PURG: variants seen among roughly 807,000 people sequenced by gnomAD.
PURG encodes the protein purine rich element binding protein G, also known as purine-rich element-binding protein gamma.
PURG carries 3 observed loss-of-function variants against 24.3 expected under a neutral mutation model. The ratio of observed to expected loss-of-function variants is 0.12; its 90% CI spans 0.06 to 0.32. PURG has a LOEUF of 0.32. PURG is among the 10% of genes least tolerant of loss of function. The probability of loss-of-function intolerance (pLI) is 1.00; values close to 1 mark genes in which losing one functional copy is unlikely to be tolerated. For synonymous variants in PURG, 180 were observed against 173.1 expected (o/e 1.04, Z -0.31); for missense variants, 371 against 439.1 (o/e 0.84, Z 1.39).
intron 1 of PURG, among the ~76,000 whole-genome samples, chr8:31,021,971 CT>C (rs1011753786): frequency 2.1e-3 from 283 of 136,888 alleles, no homozygotes; most frequent in East Asian, 2.3e-3. Context: ...TCATTTCTTT[CT>C]TTTTTTTTTT....
At position 31,032,853 on chromosome 8, in the gene PURG, C is replaced by A. The variant is rs1811272415; in HGVS notation, c.-6-65G>T. On this transcript the variant is annotated intron_variant, in intron 1 of 1. Transcript: ENST00000523392. The surrounding 1 kb of genome is among the most constrained non-coding windows in gnomAD (Gnocchi z 5.9). ...GGGGTGTTGAGAACAATCGCAGACG[C>A]CCCTCGGCCTGACCGCCCCGCCGCC... The A allele has an allele frequency of 3.4e-6, 4 of 1,185,278 alleles. No individual in the cohort carries two copies. Among genetic ancestry groups the A allele is most frequent in the Non-Finnish European group, 4.2e-6 (4 of 945,360 alleles). The allele number at this position is 1,185,278 out of a possible 1,614,324, so 73.4% of individuals were successfully genotyped here. A position where few individuals can be genotyped will look rare whatever the true frequency, so the allele number is the denominator to read the frequency against.
chr8:31,031,978 C>G lies in PURG; in HGVS notation c.805G>C (p.Val269Leu). ...LELPEGTSFR[V>L]DNKRFYFDVG... ...TCAAAGTAGAACCTTTTATTGTCCA[C>G]TCTGAAAGAAGTCCCCTCTGGGAGT... The change falls in exon 2 of 2, where the codon GTG (valine) becomes CTG (leucine). Residue 269 changes from valine (V) to leucine (L), a missense_variant. Physicochemically the swap from Val to Leu is conservative, Grantham distance 32 (BLOSUM62 1). Around this residue, in one of 5 missense-constraint regions of PURG, gnomAD observed 103 missense variants for 127.7 expected, o/e 0.81. Coordinates refer to ENST00000523392, the MANE Select transcript of PURG (RefSeq NM_001323311.2). The G allele has an allele frequency of 6.2e-7, 1 of 1,614,186 alleles. No individual in the cohort carries two copies. The highest frequency in any genetic ancestry group is 8.5e-7 in the Non-Finnish European group (1 of 1,180,042).
In PURG at chr8:31,032,177, C is replaced by A; in HGVS notation, c.606G>T (p.Met202Ile). The A allele has an allele frequency of 6.2e-7, 1 of 1,614,244 alleles. No individual in the cohort carries two copies. Among genetic ancestry groups the A allele is most frequent in the Non-Finnish European group, 8.5e-7 (1 of 1,180,034 alleles). Residue 202 changes from methionine to isoleucine, a missense_variant, in exon 2 of 2, where the codon ATG becomes ATT. Met to Ile is a conservative substitution (Grantham distance 10). Transcript: ENST00000523392. The surrounding 1 kb of genome is among the most constrained non-coding windows in gnomAD (Gnocchi z 5.9). ...AACCTATCATGCCAGTCCCCCGCAT[C>A]ATGGTTTGTCTAATCCGTAGGAAGC... The part of the protein sequence containing the change: ...RGRFLRIRQT[M>I]MRGTGMIGYF...
chr8:31,022,667 A>C (rs1811019128), intron 1 of PURG, among the ~76,000 whole-genome samples: 1 of 152,270 alleles, frequency 6.6e-6, no homozygotes. Context: ...AAAGAGGATT[A>C]TAATGAATGG....
intron 1 of PURG, among the ~76,000 whole-genome samples, chr8:31,007,158 T>G (rs1349315823): frequency 6.6e-6 from 1 of 152,230 alleles, no homozygotes; most frequent in Non-Finnish European, 1.5e-5. Context: ...GACAGTCATG[T>G]GCTGTTTCAT....
At chr8:31,026,053 CATAAAG>C (rs757681354), downstream of PURG, among the ~76,000 whole-genome samples, 1 of 151,832 alleles carries the variant, frequency 6.6e-6, no homozygotes, top group Non-Finnish European at 1.5e-5. Flanking sequence ...ATACCTTTCT[CATAAAG>C]ATAAAGGCTT....
chr8:31,022,798 C>A (rs1006300017), intron 1 of PURG, among the ~76,000 whole-genome samples: 1 of 152,262 alleles, frequency 6.6e-6, no homozygotes, highest in African/African-American at 2.4e-5. Context: ...TTGGAATAAA[C>A]CACATTGCTA....
At chr8:30,996,377 C>A in exon 2 of PURG, 1 of 361,562 alleles carries the variant, frequency 2.8e-6, no homozygotes, top group South Asian at 7.5e-5. Flanking sequence ...TTAAAAAAAA[C>A]AAAACCCAAA....
At position 31,032,833 on chromosome 8, in the gene PURG, G is replaced by A; in HGVS notation, c.-6-45C>T. 2 of 1,284,906 alleles carry A rather than the reference G, an allele frequency of 1.6e-6. No individual in the cohort carries two copies. Among genetic ancestry groups the A allele is most frequent in the Non-Finnish European group, 2.0e-6 (2 of 1,010,272 alleles). The allele number at this position is 1,284,906 out of a possible 1,614,324, so 79.6% of individuals were successfully genotyped here. On this transcript the variant is annotated intron_variant, in intron 1 of 1. Transcript: ENST00000523392. The surrounding 1 kb of genome is among the most constrained non-coding windows in gnomAD (Gnocchi z 5.9). ...ACACGGGATGGGGTGGGGGAGGGGT[G>A]TTGAGAACAATCGCAGACGCCCCTC...
At chr8:31,003,685 C>G (rs1180891317) in intron 1 of PURG, among the ~76,000 whole-genome samples, 1 of 151,932 alleles carries the variant, frequency 6.6e-6, no homozygotes, top group Non-Finnish European at 1.5e-5. Context: ...TCGCTTGAAC[C>G]TGGGAAGTGG....
At chr8:31,007,668 A>T (rs1025511900) in intron 1 of PURG, among the ~76,000 whole-genome samples, 5 of 152,174 alleles carry the variant, frequency 3.3e-5, no homozygotes, top group African/African-American at 1.2e-4. Flanking sequence ...TTGTAAAATG[A>T]GGGTGTCATA....
chr8:31,014,934 C>T (rs1053395957), intron 1 of PURG, among the ~76,000 whole-genome samples: 2 of 152,190 alleles, frequency 1.3e-5, no homozygotes, highest in African/African-American at 2.4e-5. Flanking sequence ...GGATAAAATA[C>T]CTTCACTCAA....
At chr8:31,007,924 C>A (rs1810686036) in intron 1 of PURG, among the ~76,000 whole-genome samples, 1 of 152,122 alleles carries the variant, frequency 6.6e-6, no homozygotes. Context: ...ATAGTTTATT[C>A]ATTTTCTTAA....
At chr8:31,027,409 A>G (rs1563310230), downstream of PURG, among the ~76,000 whole-genome samples, 1 of 151,744 alleles carries the variant, frequency 6.6e-6, no homozygotes, top group Non-Finnish European at 1.5e-5. Flanking sequence ...TTATGAAAAA[A>G]TTATTTTCAG....
chr8:31,019,184 T>TGGCTTTA, intron 1 of PURG, among the ~76,000 whole-genome samples: 1 of 123,776 alleles, frequency 8.1e-6, no homozygotes, highest in South Asian at 2.6e-4. Flanking sequence ...TATATATATA[T>TGGCTTTA]ATATATATAT....
intron 1 of PURG, among the ~76,000 whole-genome samples, chr8:31,009,481 A>C (rs1810724920): frequency 6.6e-6 from 1 of 152,170 alleles, no homozygotes; most frequent in Non-Finnish European, 1.5e-5. Flanking sequence ...TTCAGTCTGC[A>C]TGTAAGAATT....
chr8:31,001,082 G>A (rs1349612900), intron 1 of PURG, among the ~76,000 whole-genome samples: 1 of 152,178 alleles, frequency 6.6e-6, no homozygotes, highest in Non-Finnish European at 1.5e-5. Flanking sequence ...AATAGAAGCT[G>A]CAGATTTATA....
At chr8:30,999,862 C>T (rs1369014971) in intron 1 of PURG, among the ~76,000 whole-genome samples, 2 of 151,966 alleles carry the variant, frequency 1.3e-5, no homozygotes, top group African/African-American at 4.8e-5. Flanking sequence ...AATCCAAATA[C>T]TATATAGTCA....
chr8:31,026,958 C>T (rs561620377), downstream of PURG, among the ~76,000 whole-genome samples: 38 of 151,482 alleles, frequency 2.5e-4, no homozygotes, highest in African/African-American at 8.5e-4. Flanking sequence ...ATTTTCTTTA[C>T]GACAGAGTTA....
Sources: allele counts gnomAD v4.1 joint callset (sites outside exome capture counted in the v4.1 genomes callset), GRCh38; gene constraint gnomAD v4.1.1; regional missense constraint gnomAD v4.1.1; non-coding constraint Gnocchi (gnomAD v3.1); transcripts MANE v1.5; gene names NCBI Gene and HGNC (gene_info 2026-07-23, HGNC 2026-07-21).